EML3: variants seen among roughly 807,000 people sequenced by gnomAD.
EML3 encodes EMAP like 3, also known as echinoderm microtubule-associated protein-like 3.
In EML3, 53 loss-of-function variants were observed where a neutral mutation model predicts 106.7. The ratio of observed to expected loss-of-function variants is 0.50; its 90% CI spans 0.40 to 0.62. EML3 has a LOEUF of 0.62. EML3 is among the 20% of genes least tolerant of loss of function. The pLI is 0.00. For missense variants in EML3, 994 were observed against 1,209.1 expected, an observed-to-expected ratio of 0.82 and a Z score of 2.64; for synonymous variants, 499 against 489.6, an observed-to-expected ratio of 1.02 and a Z score of -0.25.
rs747005558 is a variant in EML3 at position 62,602,296 on chromosome 11, G to A, written c.*179C>T. 1.0e-5 allele frequency: 16 copies of A among 1,550,576 alleles called. No individual in the cohort carries two copies. Among genetic ancestry groups the A allele is most frequent in the Non-Finnish European group, 1.4e-5 (16 of 1,146,756 alleles). ...AGGCTGGGGCTGCCCGGCTCAGCCA[G>A]CGGGTCTAAACAGTGTGTGCAGGGG... On this transcript the variant is annotated 3_prime_UTR_variant, in exon 22 of 22. Coordinates refer to ENST00000394773, the MANE Select transcript of EML3 (RefSeq NM_153265.3).
intron 11 of EML3, 117 bp from the exon 12 acceptor site, chr11:62,607,216 G>T: frequency 7.5e-7 from 1 of 1,340,360 alleles, no homozygotes. Context: ...GGGAGGCCAA[G>T]GCGGGCGGGT....
chr11:62,604,514 A>G (rs929587149), intron 16 of EML3, among the ~76,000 whole-genome samples: 2 of 152,070 alleles, frequency 1.3e-5, no homozygotes, highest in South Asian at 4.1e-4. Flanking sequence ...AGTAGCTAGA[A>G]TTACAGGTGC....
At chr11:62,610,793 C>T in intron 4 of EML3, 86 bp downstream of exon 4, 1 of 1,232,016 alleles carries the variant, frequency 8.1e-7, no homozygotes, top group Non-Finnish European at 1.2e-6. Flanking sequence ...GGTCCCCCCA[C>T]CCCAACCAGG....
chr11:62,605,628 G>A lies in EML3; in HGVS notation c.1914+14C>T, dbSNP rs545846729. On this transcript the variant is annotated intron_variant, in intron 15 of 21. Transcript: ENST00000394773. The surrounding 1 kb of genome is among the most constrained non-coding windows in gnomAD (Gnocchi z 5.2). ...TGGGTGTGGCATGGGGGATCCAGGG[G>A]CACAGGGCTCTACCTTGAGGTCGAT... 9 of 1,520,584 alleles carry A rather than the reference G, an allele frequency of 5.9e-6. No individual in the cohort carries two copies. The East Asian group carries it at 1.4e-4, about 23-fold the overall frequency. The allele number at this position is 1,520,584 out of a possible 1,614,324, so 94.2% of individuals were successfully genotyped here.
rs1942294949 is a variant in EML3, at chr11:62,602,691, G to C, written c.2488-13C>G. 6.3e-7 allele frequency: 1 copy of C among 1,599,234 alleles called. No individual in the cohort carries two copies. Among genetic ancestry groups the C allele is most frequent in the Non-Finnish European group, 8.5e-7 (1 of 1,175,358 alleles). Reference sequence around the variant, plus strand: ...TGCGGCTCGGCGCCTGGGCCGGAGGGAAGAGTTGCGGTGGCGGCTGAGCCC... The same window carrying C: ...TGCGGCTCGGCGCCTGGGCCGGAGGCAAGAGTTGCGGTGGCGGCTGAGCCC... On this transcript the variant is annotated splice_polypyrimidine_tract_variant and intron_variant, in intron 21 of 21. Coordinates refer to ENST00000394773, the MANE Select transcript of EML3 (RefSeq NM_153265.3).
At position 62,603,873 on chromosome 11, in the gene EML3, C is replaced by T. The variant is rs1444019745; in HGVS notation, c.2170-57G>A. On this transcript the variant is annotated intron_variant, in intron 18 of 21. Transcript: ENST00000394773. Reference sequence around the variant, plus strand: ...CCCATCCATTTCCCATCCCCAGAGCCCCCTTGATGCATCAGACCCCTGAGT... The same window carrying T: ...CCCATCCATTTCCCATCCCCAGAGCTCCCTTGATGCATCAGACCCCTGAGT... 4 of 1,611,080 alleles carry T rather than the reference C, an allele frequency of 2.5e-6. No homozygotes were observed. The East Asian group carries it at 6.7e-5, about 27-fold the overall frequency.
Position 62,602,870 on chromosome 11 carries a change from G to A in EML3, c.2376C>T (p.Ser792=), listed in dbSNP as rs1305766181. 1.3e-6 allele frequency: 2 copies of A among 1,584,966 alleles called. No individual in the cohort carries two copies. Among genetic ancestry groups the A allele is most frequent in the African/African-American group, 1.3e-5 (1 of 74,426 alleles). ...FHVYGVWPDG[S]DGTDINSLCR... is the part of the protein sequence containing the mutation. ...ACAGGGAGTTGATGTCGGTCCCATC[G>A]GAGCCGTCCGGCCAGACGCCTAGCA... Residue 792 remains serine (S), a synonymous_variant, in exon 21 of 22, where the codon TCC becomes TCT. Transcript: ENST00000394773.
Position 62,610,846 on chromosome 11 carries a change from G to A in EML3, c.566+33C>T, listed in dbSNP as rs1011658042. On this transcript the variant is annotated intron_variant, in intron 4 of 21. Coordinates refer to ENST00000394773, the MANE Select transcript of EML3 (RefSeq NM_153265.3). ...ATGGAAAGTCGAGAGCCTGCGCCTG[G>A]GGCGGGGTGGGTTGAGGGGAAGCCT... 4 of 1,526,374 alleles carry A rather than the reference G, an allele frequency of 2.6e-6. No individual in the cohort carries two copies. The East Asian group carries it at 9.6e-5, about 37-fold the overall frequency. 94.6% of individuals were successfully genotyped at this position (1,526,374 alleles called of 1,614,324 possible).
At position 62,611,077 on chromosome 11, in the gene EML3, G is replaced by T; in HGVS notation, c.452+10C>A. The stretch of plus-strand genomic sequence containing the variant: ...TCCCAGCTTCCGCCACAGGGCCACA[G>T]GACACCTACGTGTCAGCACGCTGTG... On this transcript the variant is annotated intron_variant, in intron 3 of 21. Transcript: ENST00000394773. 1 of 1,600,190 alleles carries T rather than the reference G, an allele frequency of 6.2e-7. No homozygotes were observed. The highest frequency in any genetic ancestry group is 8.5e-7 in the Non-Finnish European group (1 of 1,177,636).
chr11:62,608,695 C>T, intron 8 of EML3, 41 bp downstream of exon 8: 1 of 1,613,992 alleles, frequency 6.2e-7, no homozygotes, highest in Non-Finnish European at 8.5e-7. Context: ...AATTGGAGTG[C>T]AATTCCAGCA....
Position 62,603,971 on chromosome 11 carries a change from G to A in EML3, c.2142C>T (p.Ala714=). 3 of 1,614,022 alleles carry A rather than the reference G, an allele frequency of 1.9e-6. No homozygotes were observed. Among genetic ancestry groups the A allele is most frequent in the Non-Finnish European group, 2.5e-6 (3 of 1,180,020 alleles). The change falls in exon 18 of 22, where the codon GCC becomes GCT. Residue 714 remains alanine (A), a synonymous_variant. Coordinates refer to ENST00000394773, the MANE Select transcript of EML3 (RefSeq NM_153265.3). ...TACAGCGGCCAAAGCGGCTGGATTTGGCACCATCACTGGAAACACTATAGA... is the reference window on the plus strand; with the variant it reads ...TACAGCGGCCAAAGCGGCTGGATTTAGCACCATCACTGGAAACACTATAGA... The part of the protein sequence containing the change: ...IYIYSVSSDG[A]KSSRFGRCMG...
Position 62,603,134 on chromosome 11 carries a change from CACG to C in EML3, c.2356+12_2356+14del, listed in dbSNP as rs746998497. On this transcript the variant is annotated intron_variant, in intron 20 of 21. Coordinates refer to ENST00000394773, the MANE Select transcript of EML3 (RefSeq NM_153265.3). ...GTCCCCCACCCTTCCAGCAGGTTTC[CACG>C]CCCCTGCTCACCGTAGACGTGAAAG... The C allele has an allele frequency of 6.2e-7, 1 of 1,613,356 alleles. No homozygotes were observed. The highest frequency in any genetic ancestry group is 1.1e-5 in the South Asian group (1 of 91,084).
intron 11 of EML3, 194 bp from the exon 12 acceptor site, chr11:62,607,293 T>TTGCTCTATCACCCA: frequency 1.7e-6 from 1 of 576,598 alleles, no homozygotes; most frequent in Non-Finnish European, 2.9e-6. Context: ...CACTCCAGCC[T>TTGCTCTATCACCCA]GGGTGATAGA....
At chr11:62,603,359 C>T in intron 19 of EML3, 112 bp from the exon 20 acceptor site, 6 of 991,172 alleles carry the variant, frequency 6.1e-6, no homozygotes, top group Non-Finnish European at 9.3e-6. Flanking sequence ...GGCATGTGAT[C>T]TGGTCACCGT....
rs569512783 is a variant in EML3, at chr11:62,602,384, A to C, written c.*91T>G. 1.1e-5 allele frequency: 16 copies of C among 1,427,480 alleles called. No individual in the cohort carries two copies. The African/African-American group carries it at 1.9e-4, about 17-fold the overall frequency. The allele number at this position is 1,427,480 out of a possible 1,614,324, so 88.4% of individuals were successfully genotyped here. ...ATGTCTCGAAGTCAGTCCAGGAAAG[A>C]GTCGGCCCCTAGTCGTGGGGGATTG... On this transcript the variant is annotated 3_prime_UTR_variant, in exon 22 of 22. Transcript: ENST00000394773.
chr11:62,602,694 G>C lies in EML3; in HGVS notation c.2488-16C>G, dbSNP rs750197002. The C allele has an allele frequency of 6.3e-7, 1 of 1,599,080 alleles. No individual in the cohort carries two copies. The highest frequency in any genetic ancestry group is 1.3e-5 in the African/African-American group (1 of 74,600). On this transcript the variant is annotated splice_polypyrimidine_tract_variant and intron_variant, in intron 21 of 21. Transcript: ENST00000394773. ...GGCTCGGCGCCTGGGCCGGAGGGAA[G>C]AGTTGCGGTGGCGGCTGAGCCCTCG... is the stretch of plus-strand genomic sequence containing the variant.
chr11:62,605,473 A>T lies in EML3; in HGVS notation c.1914+169T>A. The T allele has an allele frequency of 1.0e-6, 1 of 1,002,908 alleles. No individual in the cohort carries two copies. The highest frequency in any genetic ancestry group is 1.4e-6 in the Non-Finnish European group (1 of 705,054). 62.1% of individuals were successfully genotyped at this position (1,002,908 alleles called of 1,614,324 possible). On this transcript the variant is annotated intron_variant, in intron 15 of 21. Coordinates refer to ENST00000394773, the MANE Select transcript of EML3 (RefSeq NM_153265.3). This position sits in a 1 kb window ranked among gnomAD's most constrained non-coding sequence, Gnocchi z 5.2. Reference sequence around the variant, plus strand: ...GTGCCCAGGTGGTACTAGAAGCATCAGCTTTTACCAGTCAGTACAGAAAAA... The same window carrying T: ...GTGCCCAGGTGGTACTAGAAGCATCTGCTTTTACCAGTCAGTACAGAAAAA...
Position 62,603,801 on chromosome 11 carries a change from T to G in EML3, c.2185A>C (p.Ile729Leu). The G allele has an allele frequency of 6.2e-7, 1 of 1,614,140 alleles. No homozygotes were observed. The highest frequency in any genetic ancestry group is 8.5e-7 in the Non-Finnish European group (1 of 1,180,032). Residue 729 changes from isoleucine (I) to leucine (L), a missense_variant, in exon 19 of 22, where the codon ATC becomes CTC. Physicochemically the swap from Ile to Leu is conservative, Grantham distance 5 (BLOSUM62 2). This residue lies in a region of EML3 where 713 missense variants were observed against 920.5 expected (regional missense o/e 0.77). Transcript: ENST00000394773. ...FGRCMGHSSF[I>L]THLDWSKDGN... ...TCCTTGGACCAGTCAAGATGAGTGA[T>G]GAAGCTGGAGTGACCCTGGGAGCAA...
chr11:62,604,087 G>C, intron 17 of EML3, 26 bp downstream of exon 17: 1 of 1,614,068 alleles, frequency 6.2e-7, no homozygotes, highest in Middle Eastern at 1.6e-4. Flanking sequence ...GGACGCATGT[G>C]AGTCCAGGGT....
Sources: allele counts gnomAD v4.1 joint callset (sites outside exome capture counted in the v4.1 genomes callset), GRCh38; gene constraint gnomAD v4.1.1; regional missense constraint gnomAD v4.1.1; non-coding constraint Gnocchi (gnomAD v3.1); transcripts MANE v1.5; gene names NCBI Gene and HGNC (gene_info 2026-07-23, HGNC 2026-07-21).